ROBO1: variants seen among roughly 807,000 people sequenced by gnomAD.
ROBO1 encodes roundabout homolog 1.
ROBO1 carries 149 observed loss-of-function variants against 195.9 expected under a neutral mutation model. That is an observed-to-expected ratio of 0.76 (90% CI 0.67 to 0.87). The LOEUF (loss-of-function observed/expected upper bound fraction) is 0.87, where lower values mean the gene tolerates loss of function less well. Among genes scored for constraint, ROBO1 ranks in the 40% least tolerant of loss-of-function variants. The pLI is 0.00. For synonymous variants in ROBO1, 816 were observed against 733.2 expected, an observed-to-expected ratio of 1.11 and a Z score of -1.82; for missense variants, 1,933 against 2,068.3, an observed-to-expected ratio of 0.93 and a Z score of 1.27.
intron 2 of ROBO1, among the ~76,000 whole-genome samples, chr3:79,589,518 T>G (rs1471541298): frequency 6.6e-6 from 1 of 151,802 alleles, no homozygotes; most frequent in Non-Finnish European, 1.5e-5. Flanking sequence ...ACCTTTTCCC[T>G]ACTGTAATTT....
chr3:79,175,588 G>A (rs1466189687), intron 2 of ROBO1, among the ~76,000 whole-genome samples: 2 of 152,170 alleles, frequency 1.3e-5, no homozygotes, highest in Non-Finnish European at 2.9e-5. Context: ...TAGCGCCTAA[G>A]ATACTTGCTT....
At chr3:78,675,677 G>A (rs1005450233) in intron 10 of ROBO1, among the ~76,000 whole-genome samples, 3 of 152,268 alleles carry the variant, frequency 2.0e-5, no homozygotes, top group South Asian at 2.1e-4. Context: ...CTGGAAGCTC[G>A]AACTGGGTGG....
chr3:79,207,536 A>G (rs1486446313), intron 2 of ROBO1, among the ~76,000 whole-genome samples: 1 of 152,142 alleles, frequency 6.6e-6, no homozygotes, highest in Non-Finnish European at 1.5e-5. Context: ...TTCTATAATG[A>G]GAGACTAAAC....
intron 1 of ROBO1, among the ~76,000 whole-genome samples, chr3:79,596,692 A>G (rs976035409): frequency 6.6e-5 from 10 of 152,066 alleles, no homozygotes; most frequent in African/African-American, 2.4e-4. Flanking sequence ...AAGAAAATAT[A>G]CAGTTAGCAA....
chr3:79,019,016 G>A (rs2078033576), intron 3 of ROBO1: 3 of 989,722 alleles, frequency 3.0e-6, no homozygotes, highest in East Asian at 1.1e-4. Context: ...GGTGCCGGGA[G>A]TGTGACTGGG....
intron 3 of ROBO1, among the ~76,000 whole-genome samples, chr3:79,078,036 G>A (rs1245124884): frequency 1.3e-5 from 2 of 151,740 alleles, no homozygotes; most frequent in Non-Finnish European, 2.9e-5. Context: ...TTAATCTGTG[G>A]ACTCAAAGAA....
chr3:79,089,031 CT>C lies in ROBO1; in HGVS notation c.172+36424del, dbSNP rs561757338. On this transcript the variant is annotated intron_variant, in intron 3 of 30. Coordinates refer to ENST00000464233, the MANE Select transcript of ROBO1 (RefSeq NM_002941.4). ...AATTCTAGAAAACTTGTATTCCTCG[CT>C]TTTAGTAAAGTCATTTTTATTTTTA... Among the ~76,000 whole-genome samples, 320 of 152,094 alleles carry C rather than the reference CT, an allele frequency of 2.1e-3. 3 individuals carry two copies. Among genetic ancestry groups the C allele is most frequent in the African/African-American group, 7.4e-3 (307 of 41,522 alleles).
chr3:79,640,500 AT>A (rs1233764845), intron 1 of ROBO1, among the ~76,000 whole-genome samples: 1 of 151,930 alleles, frequency 6.6e-6, no homozygotes, highest in Non-Finnish European at 1.5e-5. Context: ...CTGCCCATGA[AT>A]TTTTTGGGTG....
intron 3 of ROBO1, among the ~76,000 whole-genome samples, chr3:79,076,912 T>C (rs1310149067): frequency 6.6e-6 from 1 of 151,900 alleles, no homozygotes; most frequent in Non-Finnish European, 1.5e-5. Flanking sequence ...CATATTTCAC[T>C]TAGTGAATGG....
intron 2 of ROBO1, among the ~76,000 whole-genome samples, chr3:79,422,612 T>C (rs2038273754): frequency 6.6e-6 from 1 of 152,158 alleles, no homozygotes; most frequent in African/African-American, 2.4e-5. Context: ...TAGAGATTTT[T>C]TTTCTAATGA....
chr3:79,166,148 C>A (rs369451736), intron 2 of ROBO1, among the ~76,000 whole-genome samples: 22 of 152,264 alleles, frequency 1.4e-4, no homozygotes, highest in East Asian at 5.8e-4. Flanking sequence ...TTTGACTGAA[C>A]CCTGACTAAT....
At position 78,959,707 on chromosome 3, in the gene ROBO1, C is replaced by T. The variant is rs533431080; in HGVS notation, c.173-20780G>A. On this transcript the variant is annotated intron_variant, in intron 3 of 30. Transcript: ENST00000464233. Reference sequence around the variant, plus strand: ...ATTTGCTAAAAGTTTTGTAAATTCACCCACTATGTGATCAACAAGAGATAT... The same window carrying T: ...ATTTGCTAAAAGTTTTGTAAATTCATCCACTATGTGATCAACAAGAGATAT... Among the ~76,000 whole-genome samples the T allele has an allele frequency of 2.1e-3, 315 of 152,230 alleles. 1 individual carries two copies. Among genetic ancestry groups the T allele is most frequent in the African/African-American group, 7.2e-3 (299 of 41,544 alleles).
intron 2 of ROBO1, among the ~76,000 whole-genome samples, chr3:79,454,249 T>A (rs1414106612): frequency 1.3e-5 from 2 of 151,958 alleles, no homozygotes; most frequent in Non-Finnish European, 2.9e-5. Context: ...AAATAGGTAT[T>A]GCAGCATCCT....
intron 2 of ROBO1, among the ~76,000 whole-genome samples, chr3:79,366,697 C>T (rs2035991005): frequency 1.3e-5 from 2 of 152,184 alleles, no homozygotes; most frequent in South Asian, 4.1e-4. Flanking sequence ...TTAATTAACA[C>T]ATGAACGAGA....
intron 20 of ROBO1, among the ~76,000 whole-genome samples, 182 bp from the exon 21 acceptor site, chr3:78,646,372 G>T (rs1057161000): frequency 1.3e-5 from 2 of 150,210 alleles, no homozygotes; most frequent in African/African-American, 4.9e-5. Context: ...ATATTGTATA[G>T]AATTAGATAT....
At chr3:78,937,476 T>C (rs868710323) in intron 4 of ROBO1, among the ~76,000 whole-genome samples, 2 of 152,056 alleles carry the variant, frequency 1.3e-5, no homozygotes, top group Non-Finnish European at 2.9e-5. Flanking sequence ...TATCTAAATT[T>C]CATTTGTCTC....
At chr3:78,737,519 C>A (rs1209669272) in intron 5 of ROBO1, among the ~76,000 whole-genome samples, 1 of 152,042 alleles carries the variant, frequency 6.6e-6, no homozygotes, top group African/African-American at 2.4e-5. Flanking sequence ...CTGAACTAAT[C>A]TAGGTATGAT....
chr3:79,546,830 C>A (rs1213649672), intron 2 of ROBO1, among the ~76,000 whole-genome samples: 1 of 152,144 alleles, frequency 6.6e-6, no homozygotes, highest in Non-Finnish European at 1.5e-5. Flanking sequence ...AGTGCTGATT[C>A]TTTAAGTTGA....
rs1012209586 is a variant in ROBO1 at position 78,597,251 on chromosome 3, C to CAT, written c.*1660_*1661dup. The CAT allele has an allele frequency of 2.6e-5, 4 of 152,498 alleles. No individual in the cohort carries two copies. Among genetic ancestry groups the CAT allele is most frequent in the African/African-American group, 9.7e-5 (4 of 41,442 alleles). The allele number at this position is 152,498 out of a possible 1,614,324, so 9.4% of individuals were successfully genotyped here. A position where few individuals can be genotyped will look rare whatever the true frequency, so the allele number is the denominator to read the frequency against. On this transcript the variant is annotated 3_prime_UTR_variant, in exon 31 of 31. Coordinates refer to ENST00000464233, the MANE Select transcript of ROBO1 (RefSeq NM_002941.4). ...CAAGAAAGAAAGATGTATTTGAGAACATTTTTAATAAATAATGTGACAAAA... is the reference window on the plus strand; with the variant it reads ...CAAGAAAGAAAGATGTATTTGAGAACATATTTTTAATAAATAATGTGACAAAA...
Sources: allele counts gnomAD v4.1 joint callset (sites outside exome capture counted in the v4.1 genomes callset), GRCh38; gene constraint gnomAD v4.1.1; transcripts MANE v1.5; gene names NCBI Gene and HGNC (gene_info 2026-07-23, HGNC 2026-07-21).